The following PPARD variants were observed in gnomAD, a reference collection of about 807,000 sequenced individuals.
PPARD encodes the protein peroxisome proliferator-activated receptor delta.
Under a neutral mutation model 39.5 loss-of-function variants are expected in PPARD, and 6 were observed. The ratio of observed to expected loss-of-function variants is 0.15; its 90% CI spans 0.08 to 0.30. The LOEUF (loss-of-function observed/expected upper bound fraction) is 0.30, where lower values mean the gene tolerates loss of function less well. Among genes scored for constraint, PPARD ranks in the 10% least tolerant of loss-of-function variants. PPARD has a pLI of 1.00. For missense variants in PPARD, 397 were observed against 596.8 expected, an observed-to-expected ratio of 0.67 and a Z score of 3.49; for synonymous variants, 210 against 231.3, an observed-to-expected ratio of 0.91 and a Z score of 0.83.
intron 2 of PPARD, among the ~76,000 whole-genome samples, chr6:35,360,397 C>T (rs1303762869): frequency 6.6e-6 from 1 of 152,156 alleles, no homozygotes; most frequent in Admixed American, 6.5e-5. Context: ...CAGTCGTTAC[C>T]CCACGGATGA....
chr6:35,406,415 C>T (rs922157867), intron 2 of PPARD, among the ~76,000 whole-genome samples: 3 of 152,114 alleles, frequency 2.0e-5, no homozygotes, highest in African/African-American at 7.2e-5. Context: ...AGGGAGCAAC[C>T]TTGGCTCAGG....
chr6:35,398,211 G>A (rs1363964168), intron 2 of PPARD, among the ~76,000 whole-genome samples: 1 of 152,208 alleles, frequency 6.6e-6, no homozygotes, highest in Non-Finnish European at 1.5e-5. Context: ...TGTACAGAGA[G>A]TGGGTGGTGA....
At position 35,424,208 on chromosome 6, in the gene PPARD, G is replaced by C. The variant is rs184411426; in HGVS notation, c.627+60G>C. ...TGGGCTCTGGGTCCCACTGCCGCCT[G>C]CCTGACTCCGGGAGAGCCAGGCCTT... On this transcript the variant is annotated intron_variant, in intron 6 of 7. Transcript: ENST00000360694. This position sits in a 1 kb window ranked among gnomAD's most constrained non-coding sequence, Gnocchi z 7.1. 184 of 1,600,528 alleles carry C rather than the reference G, an allele frequency of 1.1e-4. No homozygotes were observed. In the East Asian group the frequency reaches 3.1e-3, roughly 27 times the overall value.
chr6:35,400,110 T>A (rs1764608924), intron 2 of PPARD, among the ~76,000 whole-genome samples: 1 of 152,190 alleles, frequency 6.6e-6, no homozygotes, highest in African/African-American at 2.4e-5. Context: ...CCATGTCTCC[T>A]CTCTCCCTGG....
intron 2 of PPARD, among the ~76,000 whole-genome samples, chr6:35,399,619 G>A (rs1764570379): frequency 6.6e-6 from 1 of 152,142 alleles, no homozygotes; most frequent in African/African-American, 2.4e-5. Context: ...GGAGGCTGAA[G>A]TAGGAGGATC....
intron 4 of PPARD, among the ~76,000 whole-genome samples, 189 bp downstream of exon 4, chr6:35,420,470 C>T (rs1428499790): frequency 1.3e-5 from 2 of 152,180 alleles, no homozygotes; most frequent in African/African-American, 4.8e-5. Flanking sequence ...AGAGGGGGTT[C>T]CCTTGTCAAG....
chr6:35,427,594 C>T lies in PPARD; in HGVS notation c.*1515C>T, dbSNP rs933335431. On this transcript the variant is annotated 3_prime_UTR_variant, in exon 8 of 8. Coordinates refer to ENST00000360694, the MANE Select transcript of PPARD (RefSeq NM_006238.5). ...ACCAGTCCCACACCGCTGGTCCCTG[C>T]CCTCCCCTGCTCCCAGGTTGAGGTG... The T allele has an allele frequency of 1.3e-5, 2 of 152,492 alleles. No homozygotes were observed. Among genetic ancestry groups the T allele is most frequent in the African/African-American group, 2.4e-5 (1 of 41,476 alleles). The allele number at this position is 152,492 out of a possible 1,614,324, so 9.4% of individuals were successfully genotyped here. A position where few individuals can be genotyped will look rare whatever the true frequency, so the allele number is the denominator to read the frequency against.
At chr6:35,391,124 A>G (rs942001819) in intron 2 of PPARD, among the ~76,000 whole-genome samples, 3 of 152,270 alleles carry the variant, frequency 2.0e-5, no homozygotes, top group Non-Finnish European at 2.9e-5. Context: ...ATTAGCATGT[A>G]AAAATGATCT....
chr6:35,349,907 A>C (rs1486440598), intron 2 of PPARD, among the ~76,000 whole-genome samples: 1 of 151,566 alleles, frequency 6.6e-6, no homozygotes, highest in African/African-American at 2.4e-5. Context: ...ACGCCCAGCT[A>C]ATTTTTGTAT....
intron 2 of PPARD, among the ~76,000 whole-genome samples, chr6:35,397,335 C>T (rs545336187): frequency 1.3e-5 from 2 of 152,238 alleles, no homozygotes; most frequent in South Asian, 2.1e-4. Flanking sequence ...ATGAAGCCCC[C>T]CCTCCCGCAA....
At chr6:35,385,741 A>T (rs1258463456) in intron 2 of PPARD, among the ~76,000 whole-genome samples, 1 of 150,966 alleles carries the variant, frequency 6.6e-6, no homozygotes, top group East Asian at 1.9e-4. Flanking sequence ...TTTTGAACGC[A>T]TTATAAGGCC....
At chr6:35,421,738 A>G in intron 4 of PPARD, 82 bp from the exon 5 acceptor site, 1 of 1,436,460 alleles carries the variant, frequency 7.0e-7, no homozygotes, top group Non-Finnish European at 9.4e-7. Flanking sequence ...GAGTGTTTAC[A>G]CCTTATACAT....
intron 2 of PPARD, among the ~76,000 whole-genome samples, chr6:35,390,386 G>A (rs1447023896): frequency 1.3e-5 from 2 of 152,182 alleles, no homozygotes; most frequent in Non-Finnish European, 2.9e-5. Flanking sequence ...TCCCATAAAT[G>A]ATATTTTATT....
In PPARD at chr6:35,397,177, T is replaced by C. The variant is rs571291786; in HGVS notation, c.-101-13810T>C. On this transcript the variant is annotated intron_variant, in intron 2 of 7. Coordinates refer to ENST00000360694, the MANE Select transcript of PPARD (RefSeq NM_006238.5). Reference sequence around the variant, plus strand: ...AGGCACCTGAGGATTTGTCAGCACCTCCCCACCCCCACCCTGGGTCTGACC... The same window carrying C: ...AGGCACCTGAGGATTTGTCAGCACCCCCCCACCCCCACCCTGGGTCTGACC... Among the ~76,000 whole-genome samples the C allele has an allele frequency of 7.3e-5, 11 of 150,662 alleles. No individual in the cohort carries two copies. The South Asian group carries it at 1.9e-3, about 26-fold the overall frequency.
At position 35,426,381 on chromosome 6, in the gene PPARD, C is replaced by T. The variant is rs1410384863; in HGVS notation, c.*302C>T. 1.3e-5 allele frequency: 6 copies of T among 454,790 alleles called. No individual in the cohort carries two copies. In the East Asian group the frequency reaches 2.5e-4, roughly 19 times the overall value. 28.2% of individuals were successfully genotyped at this position (454,790 alleles called of 1,614,324 possible). A position where few individuals can be genotyped will look rare whatever the true frequency, so the allele number is the denominator to read the frequency against. ...TCTCTCTTCCCTTCTCCCTTGCCCTCCCTTTCTCTCTCCACCCCCCACGTC... is the reference window on the plus strand; with the variant it reads ...TCTCTCTTCCCTTCTCCCTTGCCCTTCCTTTCTCTCTCCACCCCCCACGTC... On this transcript the variant is annotated 3_prime_UTR_variant, in exon 8 of 8. Transcript: ENST00000360694.
intron 2 of PPARD, among the ~76,000 whole-genome samples, chr6:35,388,732 G>A (rs1247590118): frequency 6.6e-6 from 1 of 151,976 alleles, no homozygotes; most frequent in Non-Finnish European, 1.5e-5. Context: ...GGGGAAGGTA[G>A]GAATGAGACA....
chr6:35,402,010 G>A (rs1328837501), intron 2 of PPARD, among the ~76,000 whole-genome samples: 1 of 152,084 alleles, frequency 6.6e-6, no homozygotes, highest in Non-Finnish European at 1.5e-5. Context: ...GGCTTCAGTA[G>A]GAGAGATCTG....
chr6:35,370,766 G>A lies in PPARD; in HGVS notation c.-102+23616G>A, dbSNP rs117669982. 6.4e-4 allele frequency among the ~76,000 whole-genome samples: 97 copies of A among 152,266 alleles called. No individual in the cohort carries two copies. In the East Asian group the frequency reaches 0.015, roughly 23 times the overall value. On this transcript the variant is annotated intron_variant, in intron 2 of 7. Transcript: ENST00000360694. ...GTTCTTCTCCCCAAGATGAGTTGTGGTAACTGCTTTTTAGATAAATATGTG... is the reference window on the plus strand; with the variant it reads ...GTTCTTCTCCCCAAGATGAGTTGTGATAACTGCTTTTTAGATAAATATGTG...
intron 2 of PPARD, among the ~76,000 whole-genome samples, chr6:35,390,330 C>G (rs549122725): frequency 6.6e-6 from 1 of 152,234 alleles, no homozygotes; most frequent in Non-Finnish European, 1.5e-5. Flanking sequence ...TCATCTCTCC[C>G]CATAGGGGTC....
Sources: allele counts gnomAD v4.1 joint callset (sites outside exome capture counted in the v4.1 genomes callset), GRCh38; gene constraint gnomAD v4.1.1; non-coding constraint Gnocchi (gnomAD v3.1); transcripts MANE v1.5; gene names NCBI Gene and HGNC (gene_info 2026-07-23, HGNC 2026-07-21).